DDX60: variants seen among roughly 807,000 people sequenced by gnomAD.
DDX60 encodes the protein probable ATP-dependent RNA helicase DDX60.
DDX60 carries 165 observed loss-of-function variants against 212.8 expected under a neutral mutation model. The observed-to-expected ratio is 0.78, with a 90% CI of 0.68 to 0.88. DDX60 has a LOEUF of 0.88. Ranked by LOEUF, DDX60 falls within the 40% of genes least tolerant of loss-of-function variation. The pLI, the probability that DDX60 is intolerant of heterozygous loss-of-function variation, is 0.00. For synonymous variants in DDX60, 703 were observed against 685.3 expected, an observed-to-expected ratio of 1.03 and a Z score of -0.40; for missense variants, 1,905 against 2,003.9, an observed-to-expected ratio of 0.95 and a Z score of 0.94.
intron 30 of DDX60, among the ~76,000 whole-genome samples, chr4:168,244,703 C>CTA (rs1733963167): frequency 6.6e-6 from 1 of 151,336 alleles, no homozygotes; most frequent in African/African-American, 2.4e-5. Context: ...CCAGCCTGGG[C>CTA]TATAGAGCAA....
intron 33 of DDX60, among the ~76,000 whole-genome samples, chr4:168,231,108 G>T (rs962008594): frequency 6.6e-6 from 1 of 151,802 alleles, no homozygotes; most frequent in African/African-American, 2.4e-5. Context: ...ACTTAGAGGA[G>T]ATGGGTAAAT....
chr4:168,237,459 C>T lies in DDX60; in HGVS notation c.4270-32G>A, dbSNP rs775031468. On this transcript the variant is annotated intron_variant, in intron 31 of 37. Transcript: ENST00000393743. ...AACAAAAAACAATTTATTAGTTTGA[C>T]TCAAGTCACCACATAATAAGTAACT... The T allele has an allele frequency of 5.3e-6, 8 of 1,523,206 alleles. No individual in the cohort carries two copies. In the South Asian group the frequency reaches 5.5e-5, roughly 10 times the overall value. The allele number at this position is 1,523,206 out of a possible 1,614,324, so 94.4% of individuals were successfully genotyped here.
At chr4:168,316,727 G>A (rs976515448) in intron 1 of DDX60, among the ~76,000 whole-genome samples, 4 of 151,774 alleles carry the variant, frequency 2.6e-5, no homozygotes, top group Admixed American at 6.6e-5. Flanking sequence ...ATTTTTAAAC[G>A]ATAGCACAAC....
chr4:168,312,747 T>TAGATAGATAGATAGATAGATAGATAGATA (rs915120579), intron 1 of DDX60, among the ~76,000 whole-genome samples: 8 of 144,440 alleles, frequency 5.5e-5, no homozygotes, highest in African/African-American at 1.7e-4. Context: ...GATAGATAGA[T>TAGATAGATAGATAGATAGATAGATAGATA]ATGATAGAGA....
At chr4:168,279,396 T>C (rs1291432685) in intron 14 of DDX60, among the ~76,000 whole-genome samples, 2 of 152,250 alleles carry the variant, frequency 1.3e-5, no homozygotes, top group Non-Finnish European at 2.9e-5. Flanking sequence ...GCCTTGACTA[T>C]GGCATCATTC....
intron 11 of DDX60, 126 bp from the exon 12 acceptor site, chr4:168,285,061 G>A: frequency 1.7e-6 from 1 of 573,232 alleles, no homozygotes; most frequent in South Asian, 2.9e-5. Context: ...GATGTGGGTG[G>A]TAGACTCCAA....
At chr4:168,290,944 A>G (rs2149534582) in intron 8 of DDX60, among the ~76,000 whole-genome samples, 1 of 152,302 alleles carries the variant, frequency 6.6e-6, no homozygotes, top group South Asian at 2.1e-4. Context: ...CTGTATGTAT[A>G]ATGATCCTTA....
At chr4:168,316,494 A>G (rs184369988) in intron 1 of DDX60, among the ~76,000 whole-genome samples, 71 of 152,332 alleles carry the variant, frequency 4.7e-4, no homozygotes, top group Non-Finnish European at 5.3e-4. Context: ...TCACAGCAGG[A>G]TGTCCAGCAA....
At position 168,274,000 on chromosome 4, in the gene DDX60, G is replaced by A. The variant is rs1216791052; in HGVS notation, c.2388C>T (p.Tyr796=). 1 of 1,614,180 alleles carries A rather than the reference G, an allele frequency of 6.2e-7. No individual in the cohort carries two copies. Among genetic ancestry groups the A allele is most frequent in the East Asian group, 2.2e-5 (1 of 44,882 alleles). ...PTSSGKTYAS[Y]YCMEKVLKES... The stretch of plus-strand genomic sequence containing the variant: ...CCTTCAGCACTTTCTCCATACAGTA[G>A]TAGGAGGCATAGGTTTTGCCTGAGG... Residue 796 remains tyrosine (Y), a synonymous_variant, in exon 17 of 38, where the codon TAC becomes TAT. Coordinates refer to ENST00000393743, the MANE Select transcript of DDX60 (RefSeq NM_017631.6).
intron 33 of DDX60, among the ~76,000 whole-genome samples, chr4:168,235,806 T>C (rs951016963): frequency 6.6e-6 from 1 of 152,082 alleles, no homozygotes; most frequent in Admixed American, 6.6e-5. Context: ...AGTCAAGTAA[T>C]GATTTCTTAG....
chr4:168,274,201 T>C, intron 16 of DDX60, 118 bp from the exon 17 acceptor site: 1 of 1,197,600 alleles, frequency 8.4e-7, no homozygotes, highest in Non-Finnish European at 1.2e-6. Context: ...TGTAGGTACA[T>C]CTGAAGGTCT....
chr4:168,301,242 G>A (rs1306399185), intron 6 of DDX60, among the ~76,000 whole-genome samples: 1 of 152,132 alleles, frequency 6.6e-6, no homozygotes, highest in South Asian at 2.1e-4. Flanking sequence ...AACCATTATG[G>A]ATTTGGATCC....
Position 168,286,325 on chromosome 4 carries a change from A to C in DDX60, c.1339+723T>G, listed in dbSNP as rs531857738. ...TGAAATAAAAAAGAAGTAGGGAAAA[A>C]TACAGATGGTAATGAAATTATTTGA... On this transcript the variant is annotated intron_variant, in intron 10 of 37. Coordinates refer to ENST00000393743, the MANE Select transcript of DDX60 (RefSeq NM_017631.6). 1.6e-4 allele frequency among the ~76,000 whole-genome samples: 24 copies of C among 151,550 alleles called. 1 individual carries two copies. The highest frequency in any genetic ancestry group is 1.1e-3 in the Admixed American group (16 of 15,164).
chr4:168,281,018 T>C (rs1398708738), intron 13 of DDX60, among the ~76,000 whole-genome samples: 1 of 152,142 alleles, frequency 6.6e-6, no homozygotes, highest in Non-Finnish European at 1.5e-5. Context: ...CACGCTCCTG[T>C]AGTCCCAGCT....
rs1645304313 is a variant in DDX60 at position 168,286,955 on chromosome 4, T to C, written c.1339+93A>G. The C allele has an allele frequency of 5.3e-6, 5 of 940,322 alleles. No individual in the cohort carries two copies. The South Asian group carries it at 8.8e-5, about 17-fold the overall frequency. The allele number at this position is 940,322 out of a possible 1,614,324, so 58.2% of individuals were successfully genotyped here. ...TTATTAAAATTCAAGTGCCAGAAAA[T>C]TATTTATACTTGCAGCACTGAATTA... is the stretch of plus-strand genomic sequence containing the variant. On this transcript the variant is annotated intron_variant, in intron 10 of 37. Transcript: ENST00000393743.
chr4:168,306,432 G>T lies in DDX60; in HGVS notation c.553C>A (p.Leu185Ile). ...SSGQESDVLC[L>I]YAYLLPSMYR... ...ATGCTTGGAAGAAGGTATGCATAAA[G>T]GCAAAGAACATCAGATTCTTGCCCT... The change falls in exon 5 of 38, where the codon CTT (leucine) becomes ATT (isoleucine). Residue 185 changes from leucine to isoleucine, a missense_variant. Coordinates refer to ENST00000393743, the MANE Select transcript of DDX60 (RefSeq NM_017631.6). The T allele has an allele frequency of 1.9e-6, 3 of 1,614,102 alleles. No homozygotes were observed. Among genetic ancestry groups the T allele is most frequent in the Non-Finnish European group, 2.5e-6 (3 of 1,180,002 alleles).
intron 10 of DDX60, among the ~76,000 whole-genome samples, chr4:168,286,706 T>A (rs1038055403): frequency 5.9e-5 from 9 of 152,112 alleles, no homozygotes; most frequent in African/African-American, 1.9e-4. Flanking sequence ...GCTATAATGT[T>A]ATAAAAAGAT....
At position 168,291,856 on chromosome 4, in the gene DDX60, C is replaced by T; in HGVS notation, c.933G>A (p.Leu311=). The T allele has an allele frequency of 6.2e-7, 1 of 1,613,330 alleles. No individual in the cohort carries two copies. Among genetic ancestry groups the T allele is most frequent in the South Asian group, 1.1e-5 (1 of 90,970 alleles). The change falls in exon 8 of 38, where the codon CTG becomes CTA. Residue 311 remains leucine, a synonymous_variant. Coordinates refer to ENST00000393743, the MANE Select transcript of DDX60 (RefSeq NM_017631.6). ...GTAGAAAAACCACAGTGAGACAATG[C>T]AGTTTACACAAATCTTCCATCTCCT... The part of the protein sequence containing the change: ...TLQEMEDLCK[L]HCLTVVFLLH...
intron 28 of DDX60, among the ~76,000 whole-genome samples, 166 bp downstream of exon 28, chr4:168,250,788 G>A (rs1734192770): frequency 6.6e-6 from 1 of 151,810 alleles, no homozygotes. Flanking sequence ...GCCTCCCAAA[G>A]TGCTGGTATT....
Sources: gnomAD v4.1 joint callset for allele counts (sites outside exome capture counted in the v4.1 genomes callset) on GRCh38, gnomAD v4.1.1 for gene constraint, MANE v1.5 for transcripts, NCBI Gene and HGNC (gene_info 2026-07-23, HGNC 2026-07-21) for gene names.